Variants in ERBB4 observed in about 807,000 individuals in gnomAD.
ERBB4 encodes receptor tyrosine-protein kinase erbB-4.
In ERBB4, 42 loss-of-function variants were observed where a neutral mutation model predicts 158.0. The observed-to-expected ratio is 0.27, with a 90% CI of 0.21 to 0.34. The LOEUF (loss-of-function observed/expected upper bound fraction) is 0.34. Ranked by LOEUF, ERBB4 falls within the 10% of genes least tolerant of loss-of-function variation. The pLI is 1.00. For missense variants in ERBB4, 1,333 were observed against 1,624.1 expected (o/e 0.82, Z 3.08); for synonymous variants, 583 against 558.7 (o/e 1.04, Z -0.61).
chr2:211,516,326 CT>C (rs897457415), intron 20 of ERBB4, among the ~76,000 whole-genome samples: 15 of 150,850 alleles, frequency 9.9e-5, no homozygotes, highest in South Asian at 2.1e-4. Flanking sequence ...TATTTCTTCC[CT>C]TTTTTTTCTT....
In ERBB4 at chr2:211,947,551, C is replaced by T. The variant is rs2125138227; in HGVS notation, c.300G>A (p.Glu100=). The change falls in exon 3 of 28, where the codon GAG becomes GAA. Residue 100 remains glutamate (E), a synonymous_variant. Coordinates refer to ENST00000342788, the MANE Select transcript of ERBB4 (RefSeq NM_005235.3). ...ALNQFRYLPL[E]NLRIIRGTKL... is the part of the protein sequence containing the mutation. Reference sequence around the variant, plus strand: ...TTGTCCCACGAATAATGCGTAAATTCTCCAGAGGCAGGTAACGAAACTGAT... The same window carrying T: ...TTGTCCCACGAATAATGCGTAAATTTTCCAGAGGCAGGTAACGAAACTGAT... The T allele has an allele frequency of 2.5e-6, 4 of 1,613,822 alleles. No individual in the cohort carries two copies. The highest frequency in any genetic ancestry group is 3.4e-6 in the Non-Finnish European group (4 of 1,179,898).
At position 212,509,564 on chromosome 2, in the gene ERBB4, ATAATT is replaced by A. The variant is rs1038482626; in HGVS notation, c.82+28880_82+28884del. ...TGTTACTATTAAGAATTACCTGTAAATAATTTAATTTAAATAAGTTTATGTTCCAT... is the reference window on the plus strand; with the variant it reads ...TGTTACTATTAAGAATTACCTGTAAATAATTTAAATAAGTTTATGTTCCAT... On this transcript the variant is annotated intron_variant, in intron 1 of 27. Transcript: ENST00000342788. Among the ~76,000 whole-genome samples, 257 of 152,140 alleles carry A rather than the reference ATAATT, an allele frequency of 1.7e-3. 2 individuals carry two copies. Among genetic ancestry groups the A allele is most frequent in the Non-Finnish European group, 5.0e-4 (34 of 67,882 alleles).
intron 1 of ERBB4, among the ~76,000 whole-genome samples, chr2:212,376,727 C>A (rs539151106): frequency 6.6e-6 from 1 of 151,958 alleles, no homozygotes; most frequent in African/African-American, 2.4e-5. Context: ...TTCCTAGGAC[C>A]CTCAGTTTTT....
At chr2:212,283,578 T>C (rs1034245574) in intron 1 of ERBB4, among the ~76,000 whole-genome samples, 1 of 152,006 alleles carries the variant, frequency 6.6e-6, no homozygotes, top group Non-Finnish European at 1.5e-5. Flanking sequence ...CCCTAAAATA[T>C]TCATTAAGTT....
intron 20 of ERBB4, among the ~76,000 whole-genome samples, chr2:211,439,661 C>A (rs2063931788): frequency 6.6e-6 from 1 of 152,160 alleles, no homozygotes; most frequent in African/African-American, 2.4e-5. Flanking sequence ...CCTCTCTGTA[C>A]ATCAATTTCC....
At chr2:211,927,181 A>T (rs901785893) in intron 3 of ERBB4, among the ~76,000 whole-genome samples, 1 of 152,302 alleles carries the variant, frequency 6.6e-6, no homozygotes, top group East Asian at 1.9e-4. Context: ...TAAGCACTGA[A>T]ATTATTGATA....
intron 3 of ERBB4, among the ~76,000 whole-genome samples, chr2:211,819,608 G>C (rs1444730154): frequency 6.6e-6 from 1 of 151,976 alleles, no homozygotes; most frequent in Non-Finnish European, 1.5e-5. Flanking sequence ...ATGGACTTAA[G>C]AACAGAGCAG....
At chr2:211,826,534 A>C (rs972315168) in intron 3 of ERBB4, among the ~76,000 whole-genome samples, 16 of 151,992 alleles carry the variant, frequency 1.1e-4, no homozygotes, top group African/African-American at 3.1e-4. Flanking sequence ...TCCCCAAACT[A>C]AAATAACATC....
intron 17 of ERBB4, among the ~76,000 whole-genome samples, chr2:211,625,135 A>G (rs1225818530): frequency 6.6e-6 from 1 of 152,164 alleles, no homozygotes; most frequent in Non-Finnish European, 1.5e-5. Flanking sequence ...CTATGTTAAA[A>G]TTTTAGGTTT....
rs115311628 is a variant in ERBB4, at chr2:212,326,718, C to T, written c.83-201815G>A. Among the ~76,000 whole-genome samples the T allele has an allele frequency of 5.6e-3, 839 of 150,866 alleles. 12 individuals are homozygous for T. Among genetic ancestry groups the T allele is most frequent in the African/African-American group, 0.018 (754 of 41,410 alleles). ...TGTCCCAAAGTTGCAGACATGTTCA[C>T]GACACAGCTGCGTTTGTTCCTTCAT... On this transcript the variant is annotated intron_variant, in intron 1 of 27. Coordinates refer to ENST00000342788, the MANE Select transcript of ERBB4 (RefSeq NM_005235.3).
chr2:211,595,494 A>C (rs992582648), intron 19 of ERBB4, among the ~76,000 whole-genome samples: 7 of 152,182 alleles, frequency 4.6e-5, no homozygotes, highest in Non-Finnish European at 7.3e-5. Context: ...AATCCTGATA[A>C]AGAAAGAGCA....
In ERBB4 at chr2:211,944,213, T is replaced by TAC. The variant is rs1281992779; in HGVS notation, c.421+3215_421+3216dup. 1.0e-3 allele frequency among the ~76,000 whole-genome samples: 29 copies of TAC among 29,090 alleles called. 5 individuals are homozygous for TAC. The highest frequency in any genetic ancestry group is 1.4e-3 in the Non-Finnish European group (21 of 14,704). The allele number at this position is 29,090 out of a possible 152,430, so 19.1% of individuals were successfully genotyped here. A position where few individuals can be genotyped will look rare whatever the true frequency, so the allele number is the denominator to read the frequency against. ...TATATATATATACTATATATATATA[T>TAC]ACACACACACACAAAAAAAAAGAAC... On this transcript the variant is annotated intron_variant, in intron 3 of 27. Coordinates refer to ENST00000342788, the MANE Select transcript of ERBB4 (RefSeq NM_005235.3).
At position 212,477,555 on chromosome 2, in the gene ERBB4, T is replaced by C. The variant is rs887584932; in HGVS notation, c.82+60894A>G. The stretch of plus-strand genomic sequence containing the variant: ...TTTCCAACTAAAGTTGCCAAATTCC[T>C]ATAATTCAAATCTGTATTTGCTGGT... On this transcript the variant is annotated intron_variant, in intron 1 of 27. Transcript: ENST00000342788. 2.6e-5 allele frequency among the ~76,000 whole-genome samples: 4 copies of C among 152,206 alleles called. No individual in the cohort carries two copies. In the South Asian group the frequency reaches 8.3e-4, roughly 31 times the overall value.
At chr2:211,701,601 C>A (rs1308773940) in intron 12 of ERBB4, among the ~76,000 whole-genome samples, 3 of 151,216 alleles carry the variant, frequency 2.0e-5, no homozygotes, top group African/African-American at 7.3e-5. Flanking sequence ...CTAAAAATAC[C>A]AAAAAAATTA....
intron 2 of ERBB4, among the ~76,000 whole-genome samples, chr2:212,018,678 A>G (rs2076580080): frequency 6.6e-6 from 1 of 152,182 alleles, no homozygotes; most frequent in Non-Finnish European, 1.5e-5. Flanking sequence ...CACATTAGAC[A>G]AGACTAAAGA....
At chr2:211,386,750 ATGT>A (rs1649137684) in intron 27 of ERBB4, 100 bp downstream of exon 27, 3 of 1,121,024 alleles carry the variant, frequency 2.7e-6, no homozygotes, top group South Asian at 2.6e-5. Context: ...TGGATCACAA[ATGT>A]TGTGCTGGTC....
chr2:211,566,919 T>G (rs989344337), intron 19 of ERBB4, among the ~76,000 whole-genome samples: 8 of 152,210 alleles, frequency 5.3e-5, no homozygotes, highest in Admixed American at 3.9e-4. Context: ...TACTCAGGTT[T>G]AGAAGAAGAT....
intron 2 of ERBB4, among the ~76,000 whole-genome samples, chr2:212,090,217 C>T (rs898453899): frequency 6.5e-5 from 6 of 92,440 alleles, no homozygotes; most frequent in Admixed American, 2.8e-4. Flanking sequence ...AGATAATTCC[C>T]GTCAAGGAAC....
intron 3 of ERBB4, among the ~76,000 whole-genome samples, chr2:211,796,874 A>T (rs2076393844): frequency 6.6e-6 from 1 of 151,942 alleles, no homozygotes; most frequent in African/African-American, 2.4e-5. Flanking sequence ...CTCATAACTT[A>T]TTTTTGTTGT....
Sources: allele counts gnomAD v4.1 joint callset (sites outside exome capture counted in the v4.1 genomes callset), GRCh38; gene constraint gnomAD v4.1.1; transcripts MANE v1.5; gene names NCBI Gene and HGNC (gene_info 2026-07-23, HGNC 2026-07-21).